The following TMEM131 variants were observed in gnomAD, a reference collection of about 807,000 sequenced individuals.
The protein encoded by TMEM131 is 2610524E03Rik.
A neutral mutation model predicts 211.6 loss-of-function variants in TMEM131; 66 were observed. That is an observed-to-expected ratio of 0.31 (90% CI 0.26 to 0.38). The LOEUF (loss-of-function observed/expected upper bound fraction) is 0.38, where lower values mean the gene tolerates loss of function less well. Ranked by LOEUF, TMEM131 falls within the 10% of genes least tolerant of loss-of-function variation. The probability of loss-of-function intolerance (pLI) is 1.00; values close to 1 mark genes in which losing one functional copy is unlikely to be tolerated. For missense variants in TMEM131, 2,036 were observed against 2,299.3 expected (o/e 0.89, Z 2.34); for synonymous variants, 844 against 841.3 (o/e 1.00, Z -0.06).
At chr2:97,869,105 GA>G (rs908193456) in intron 4 of TMEM131, among the ~76,000 whole-genome samples, 3 of 151,916 alleles carry the variant, frequency 2.0e-5, no homozygotes, top group Admixed American at 6.6e-5. Flanking sequence ...GCTTTCTTAA[GA>G]AAAAAAATGC....
intron 1 of TMEM131, among the ~76,000 whole-genome samples, chr2:97,988,300 A>G (rs1049818937): frequency 6.6e-6 from 1 of 152,230 alleles, no homozygotes; most frequent in Non-Finnish European, 1.5e-5. Context: ...ACCATAAATA[A>G]AAGTTAACTC....
At chr2:97,812,951 C>T (rs1681622378) in intron 15 of TMEM131, among the ~76,000 whole-genome samples, 1 of 151,894 alleles carries the variant, frequency 6.6e-6, no homozygotes, top group Admixed American at 6.6e-5. Flanking sequence ...AAGATTGCAC[C>T]ACTGCACTCC....
intron 4 of TMEM131, among the ~76,000 whole-genome samples, chr2:97,872,963 C>G (rs1674550860): frequency 6.6e-6 from 1 of 152,216 alleles, no homozygotes; most frequent in Non-Finnish European, 1.5e-5. Context: ...GGTCCCACCC[C>G]CATGGAGCCC....
In TMEM131 at chr2:97,993,873, A is replaced by G. The variant is rs148354969; in HGVS notation, c.187+1603T>C. 1.1e-3 allele frequency among the ~76,000 whole-genome samples: 167 copies of G among 152,368 alleles called. 1 individual carries two copies. The highest frequency in any genetic ancestry group is 4.0e-3 in the African/African-American group (166 of 41,586). On this transcript the variant is annotated intron_variant, in intron 1 of 40. Coordinates refer to ENST00000186436, the MANE Select transcript of TMEM131 (RefSeq NM_015348.2). ...GAGTAAAGTTTTTATTAGCATATAA[A>G]ATGGCTGTTGGAAAAATCAGCAGCA...
At chr2:97,840,732 A>C (rs977314045) in intron 7 of TMEM131, among the ~76,000 whole-genome samples, 1 of 152,228 alleles carries the variant, frequency 6.6e-6, no homozygotes, top group African/African-American at 2.4e-5. Flanking sequence ...ATAAGAGGGA[A>C]TACTTCCCAC....
At chr2:97,815,539 A>G (rs1681783040) in intron 12 of TMEM131, among the ~76,000 whole-genome samples, 1 of 152,218 alleles carries the variant, frequency 6.6e-6, no homozygotes, top group African/African-American at 2.4e-5. Context: ...GCTGGTGAGC[A>G]TGGTTCAGGA....
chr2:97,982,790 T>G (rs554109801), intron 1 of TMEM131, among the ~76,000 whole-genome samples: 6 of 152,078 alleles, frequency 3.9e-5, no homozygotes, highest in Non-Finnish European at 8.8e-5. Flanking sequence ...GAACAGAATG[T>G]GATATGCAAG....
At chr2:97,811,703 C>T (rs1681554664) in intron 17 of TMEM131, among the ~76,000 whole-genome samples, 2 of 152,228 alleles carry the variant, frequency 1.3e-5, no homozygotes, top group South Asian at 2.1e-4. Context: ...TGGCATTCCA[C>T]GGAAACGTGT....
In TMEM131 at chr2:97,759,338, C is replaced by T. The variant is rs550162218; in HGVS notation, c.5207-285G>A. 1.1e-5 allele frequency: 6 copies of T among 537,316 alleles called. No individual in the cohort carries two copies. The South Asian group carries it at 1.4e-4, about 13-fold the overall frequency. The allele number at this position is 537,316 out of a possible 1,614,324, so 33.3% of individuals were successfully genotyped here. On this transcript the variant is annotated intron_variant, in intron 39 of 40. Coordinates refer to ENST00000186436, the MANE Select transcript of TMEM131 (RefSeq NM_015348.2). Reference sequence around the variant, plus strand: ...TTCCATGGTGACCTCTAGTTCTGGACAGCAAGAAGAGGACCCCTGGCACAC... The same window carrying T: ...TTCCATGGTGACCTCTAGTTCTGGATAGCAAGAAGAGGACCCCTGGCACAC...
At chr2:97,866,332 T>G (rs184872701) in intron 4 of TMEM131, among the ~76,000 whole-genome samples, 92 of 152,360 alleles carry the variant, frequency 6.0e-4, no homozygotes, top group African/African-American at 2.2e-3. Context: ...AGCATACAGT[T>G]GTTCATAAAA....
chr2:97,766,937 C>T (rs928459805), intron 33 of TMEM131, among the ~76,000 whole-genome samples: 4 of 152,184 alleles, frequency 2.6e-5, no homozygotes, highest in East Asian at 1.9e-4. Flanking sequence ...CAACTTGCTG[C>T]TCAGGGCTGG....
chr2:97,790,620 C>A (rs1680458656), intron 31 of TMEM131, among the ~76,000 whole-genome samples: 1 of 152,178 alleles, frequency 6.6e-6, no homozygotes, highest in Non-Finnish European at 1.5e-5. Context: ...ATGAGGTAGT[C>A]AATTTGACTG....
chr2:97,878,168 T>A (rs1211695590), intron 4 of TMEM131, among the ~76,000 whole-genome samples: 1 of 152,194 alleles, frequency 6.6e-6, no homozygotes, highest in Non-Finnish European at 1.5e-5. Flanking sequence ...TCACACCAGT[T>A]AGAATGGCGA....
chr2:97,843,125 T>TG (rs1472240885), intron 6 of TMEM131, among the ~76,000 whole-genome samples: 20 of 151,170 alleles, frequency 1.3e-4, no homozygotes, highest in Non-Finnish European at 2.8e-4. Flanking sequence ...AACACTCAAG[T>TG]TCCACTGGCA....
chr2:97,818,515 A>G (rs1439552274), intron 12 of TMEM131, 98 bp downstream of exon 12: 2 of 602,994 alleles, frequency 3.3e-6, no homozygotes, highest in African/African-American at 4.1e-5. Context: ...TTCTGATGGT[A>G]AAACAGTTTG....
At position 97,792,559 on chromosome 2, in the gene TMEM131, G is replaced by T. The variant is rs771438042; in HGVS notation, c.3971C>A (p.Ala1324Asp). 6.2e-7 allele frequency: 1 copy of T among 1,613,214 alleles called. No individual in the cohort carries two copies. The highest frequency in any genetic ancestry group is 8.5e-7 in the Non-Finnish European group (1 of 1,179,658). The change falls in exon 31 of 41, where the codon GCC becomes GAC. Residue 1324 changes from alanine to aspartate, a missense_variant. This residue lies in a region of TMEM131 where 1,623 missense variants were observed against 1,805.9 expected (regional missense o/e 0.90). Coordinates refer to ENST00000186436, the MANE Select transcript of TMEM131 (RefSeq NM_015348.2). The part of the protein sequence containing the change: ...QEPQPERLSP[A>D]PLAHPSHPER... ...TGGGTGGGAAGGGTGTGCGAGGGGGGCGGGAGACAGCCTTTCAGGCTGCGG... is the reference window on the plus strand; with the variant it reads ...TGGGTGGGAAGGGTGTGCGAGGGGGTCGGGAGACAGCCTTTCAGGCTGCGG...
At chr2:97,974,101 T>C (rs2104613626) in intron 1 of TMEM131, among the ~76,000 whole-genome samples, 1 of 152,216 alleles carries the variant, frequency 6.6e-6, no homozygotes, top group Admixed American at 6.5e-5. Context: ...AAAACAGGTA[T>C]TATAAATGTG....
chr2:97,799,240 A>G (rs1255531448), intron 25 of TMEM131, among the ~76,000 whole-genome samples: 4 of 151,870 alleles, frequency 2.6e-5, no homozygotes, highest in Non-Finnish European at 5.9e-5. Context: ...CCTAGCAGCC[A>G]TTGTGTTTTT....
At chr2:97,920,686 C>T (rs1444757844) in intron 2 of TMEM131, among the ~76,000 whole-genome samples, 1 of 152,010 alleles carries the variant, frequency 6.6e-6, no homozygotes, top group Non-Finnish European at 1.5e-5. Flanking sequence ...CAATAAAGGC[C>T]GGGCATCAGC....
Sources: gnomAD v4.1 joint callset for allele counts (sites outside exome capture counted in the v4.1 genomes callset) on GRCh38, gnomAD v4.1.1 for gene constraint, gnomAD v4.1.1 regional missense constraint, MANE v1.5 for transcripts, NCBI Gene and HGNC (gene_info 2026-07-23, HGNC 2026-07-21) for gene names.